The following INPP5B variants were observed in gnomAD, a reference collection of about 807,000 sequenced individuals.
INPP5B encodes the protein inositol polyphosphate-5-phosphatase B.
A neutral mutation model predicts 118.5 loss-of-function variants in INPP5B; 90 were observed. The ratio of observed to expected loss-of-function variants is 0.76; its 90% CI spans 0.64 to 0.90. The LOEUF (loss-of-function observed/expected upper bound fraction) is 0.90, where lower values mean the gene tolerates loss of function less well. Among genes scored for constraint, INPP5B ranks in the 40% least tolerant of loss-of-function variants. The pLI, the probability that INPP5B is intolerant of heterozygous loss-of-function variation, is 0.00. For synonymous variants in INPP5B, 385 were observed against 418.9 expected (o/e 0.92, Z 0.99); for missense variants, 984 against 1,125.6 (o/e 0.87, Z 1.80).
intron 7 of INPP5B, chr1:37,930,896 A>C (rs1045702972): frequency 6.6e-6 from 1 of 152,594 alleles, no homozygotes; most frequent in African/African-American, 2.4e-5. Context: ...GGTCATGCCA[A>C]AGCTCACACA....
rs909828631 is a variant in INPP5B, at chr1:37,873,133, C to A, written c.1984G>T (p.Val662Leu). Residue 662 changes from valine to leucine, a missense_variant, in exon 19 of 24, where the codon GTA becomes TTA. This residue lies in a region of INPP5B where 634 missense variants were observed against 791.0 expected (regional missense o/e 0.80). Transcript: ENST00000373024. Reference protein sequence around the residue: ...SDVEIDLELFVNKMTATKLNS... With the variant: ...SDVEIDLELFLNKMTATKLNS... The stretch of plus-strand genomic sequence containing the variant: ...AGCTTTGTAGCTGTCATCTTATTTA[C>A]GAAGAGCTCCAAGTCAATCTCAACA... 6.2e-7 allele frequency: 1 copy of A among 1,613,630 alleles called. No homozygotes were observed. The highest frequency in any genetic ancestry group is 2.2e-5 in the East Asian group (1 of 44,898).
At chr1:37,933,303 C>T (rs1009348816) in intron 6 of INPP5B, among the ~76,000 whole-genome samples, 1 of 152,166 alleles carries the variant, frequency 6.6e-6, no homozygotes, top group African/African-American at 2.4e-5. Context: ...AATCCCAGCA[C>T]TTTGGGAGGC....
intron 22 of INPP5B, 111 bp downstream of exon 22, chr1:37,865,650 G>A (rs1557613582): frequency 5.8e-6 from 7 of 1,208,024 alleles, no homozygotes; most frequent in Non-Finnish European, 8.3e-6. Context: ...GAGAAGGAAA[G>A]ATAAGGTGTT....
chr1:37,940,045 C>T (rs1255925227), intron 6 of INPP5B, among the ~76,000 whole-genome samples: 1 of 152,120 alleles, frequency 6.6e-6, no homozygotes. Flanking sequence ...AGCCCTCTCC[C>T]ATTGCCACAA....
chr1:37,940,780 TG>T lies in INPP5B; in HGVS notation c.298del (p.Gln100SerfsTer67). 6.2e-7 allele frequency: 1 copy of T among 1,613,710 alleles called. No individual in the cohort carries two copies. Among genetic ancestry groups the T allele is most frequent in the Non-Finnish European group, 8.5e-7 (1 of 1,179,644 alleles). On this transcript the variant is annotated frameshift_variant, in exon 6 of 24. Transcript: ENST00000373024. LOFTEE classifies it high-confidence loss of function. Reference protein sequence around the residue: ...LYILGSDVTVQLDTAELSLVF... With the variant: ...LYILGSDVTVXLDTAELSLVF... ...GAGGCTAAGCTCTGCTGTGTCCAGC[TG>T]GACGGTCACATCTGAGCCTGCACAA...
intron 22 of INPP5B, 143 bp downstream of exon 22, chr1:37,865,618 A>G: frequency 1.1e-6 from 1 of 869,838 alleles, no homozygotes; most frequent in Middle Eastern, 3.8e-4. Flanking sequence ...AGAAACAAAG[A>G]CATAAGAGAA....
At chr1:37,933,676 C>T (rs1645577449) in intron 6 of INPP5B, among the ~76,000 whole-genome samples, 2 of 151,616 alleles carry the variant, frequency 1.3e-5, no homozygotes, top group Admixed American at 1.3e-4. Context: ...GCCAAGATTG[C>T]ACCACCACAC....
intron 7 of INPP5B, among the ~76,000 whole-genome samples, chr1:37,915,780 T>C (rs980310338): frequency 8.5e-5 from 13 of 152,242 alleles, no homozygotes; most frequent in African/African-American, 3.1e-4. Flanking sequence ...TTAGCTATAA[T>C]AACATGTTTT....
intron 23 of INPP5B, among the ~76,000 whole-genome samples, chr1:37,863,407 C>T (rs542608891): frequency 1.3e-5 from 2 of 152,056 alleles, no homozygotes; most frequent in Admixed American, 6.6e-5. Flanking sequence ...CCCAGCTACT[C>T]GGGAGGCTGA....
intron 22 of INPP5B, 152 bp downstream of exon 22, chr1:37,865,609 G>T: frequency 1.2e-6 from 1 of 813,118 alleles, no homozygotes; most frequent in Non-Finnish European, 1.8e-6. Flanking sequence ...GCCATTAAAA[G>T]AAACAAAGAC....
At chr1:37,906,153 T>G (rs1045619084) in intron 7 of INPP5B, among the ~76,000 whole-genome samples, 1 of 152,196 alleles carries the variant, frequency 6.6e-6, no homozygotes, top group Admixed American at 6.5e-5. Flanking sequence ...AGAATCAAAT[T>G]TGACTAACAG....
At chr1:37,871,580 C>G (rs529640145) in intron 19 of INPP5B, among the ~76,000 whole-genome samples, 3 of 152,082 alleles carry the variant, frequency 2.0e-5, no homozygotes, top group Non-Finnish European at 2.9e-5. Flanking sequence ...CCAGCCCGGC[C>G]GACATGGTGA....
In INPP5B at chr1:37,865,876, T is replaced by C. The variant is rs763259527; in HGVS notation, c.2399A>G (p.His800Arg). Residue 800 changes from histidine (H) to arginine (R), a missense_variant, in exon 22 of 24, where the codon CAT (histidine) becomes CGT (arginine). Transcript: ENST00000373024. ...GMIDNLSASN[H>R]SVAEALLLFL... ...AAGCAGCAGGGCTTCGGCTACAGAA[T>C]GATTGCTGGCAGCTTTTGGCCCCAT... is the stretch of plus-strand genomic sequence containing the variant. 1 of 1,613,242 alleles carries C rather than the reference T, an allele frequency of 6.2e-7. No homozygotes were observed. Among genetic ancestry groups the C allele is most frequent in the Admixed American group, 1.7e-5 (1 of 59,988 alleles).
intron 7 of INPP5B, among the ~76,000 whole-genome samples, chr1:37,914,731 T>C (rs1644810766): frequency 6.6e-6 from 1 of 152,202 alleles, no homozygotes; most frequent in Non-Finnish European, 1.5e-5. Context: ...CAAGGCATGA[T>C]AATGGTTCCA....
intron 7 of INPP5B, among the ~76,000 whole-genome samples, chr1:37,904,120 TTTGAGA>T (rs1323486687): frequency 6.6e-6 from 1 of 151,296 alleles, no homozygotes; most frequent in Non-Finnish European, 1.5e-5. Flanking sequence ...AGGTCAGGAA[TTTGAGA>T]CCAGCCTAGC....
chr1:37,917,510 G>C (rs1337181180), intron 7 of INPP5B, among the ~76,000 whole-genome samples: 1 of 151,082 alleles, frequency 6.6e-6, no homozygotes, highest in Admixed American at 6.6e-5. Context: ...TTTCAGTAGA[G>C]ACATGGTTTC....
At chr1:37,882,631 G>C (rs1026777234) in intron 14 of INPP5B, among the ~76,000 whole-genome samples, 176 bp downstream of exon 14, 6 of 152,104 alleles carry the variant, frequency 3.9e-5, no homozygotes, top group Non-Finnish European at 8.8e-5. Flanking sequence ...CCAATGGGGA[G>C]ACAACTATGG....
chr1:37,883,609 A>T (rs1351780592), intron 13 of INPP5B: 6 of 985,272 alleles, frequency 6.1e-6, no homozygotes, highest in African/African-American at 1.7e-5. Flanking sequence ...CGCACACCAA[A>T]ATTAATGCAT....
chr1:37,913,126 G>A (rs955996443), intron 7 of INPP5B, among the ~76,000 whole-genome samples: 4 of 152,016 alleles, frequency 2.6e-5, no homozygotes, highest in South Asian at 2.1e-4. Context: ...GCGTGGTGGC[G>A]GGTGCCTGTA....
Sources: gnomAD v4.1 joint callset for allele counts (sites outside exome capture counted in the v4.1 genomes callset) on GRCh38, gnomAD v4.1.1 for gene constraint, gnomAD v4.1.1 regional missense constraint, MANE v1.5 for transcripts, NCBI Gene and HGNC (gene_info 2026-07-23, HGNC 2026-07-21) for gene names.